The following TTBK2 variants were observed in gnomAD, a reference collection of about 807,000 sequenced individuals.
TTBK2 encodes tau tubulin kinase 2.
Under a neutral mutation model 110.8 loss-of-function variants are expected in TTBK2, and 28 were observed. That is an observed-to-expected ratio of 0.25 (90% CI 0.19 to 0.35). The LOEUF (loss-of-function observed/expected upper bound fraction) is 0.35. Among genes scored for constraint, TTBK2 ranks in the 10% least tolerant of loss-of-function variants. The probability of loss-of-function intolerance (pLI) is 1.00; values close to 1 mark genes in which losing one functional copy is unlikely to be tolerated. For missense variants in TTBK2, 1,369 were observed against 1,500.3 expected (o/e 0.91, Z 1.45); for synonymous variants, 532 against 527.3 (o/e 1.01, Z -0.12).
At chr15:42,832,767 G>C (rs1892815292) in intron 4 of TTBK2, among the ~76,000 whole-genome samples, 2 of 152,130 alleles carry the variant, frequency 1.3e-5, no homozygotes, top group South Asian at 4.2e-4. Flanking sequence ...CTTTAGTCCA[G>C]CGTATCCACA....
At chr15:42,882,970 G>A (rs561284801) in intron 1 of TTBK2, among the ~76,000 whole-genome samples, 1 of 152,310 alleles carries the variant, frequency 6.6e-6, no homozygotes, top group South Asian at 2.1e-4. Context: ...ATCCAGGGAA[G>A]TATAAGAGCC....
chr15:42,881,805 A>G (rs2141140693), intron 1 of TTBK2, among the ~76,000 whole-genome samples: 1 of 152,202 alleles, frequency 6.6e-6, no homozygotes, highest in East Asian at 1.9e-4. Context: ...CAGGAGGTGG[A>G]GGTTGCAATG....
chr15:42,765,672 G>C (rs1187473319), intron 13 of TTBK2, among the ~76,000 whole-genome samples: 5 of 152,154 alleles, frequency 3.3e-5, no homozygotes, highest in East Asian at 1.9e-4. Context: ...GGGGAGAATG[G>C]AACCAAGCTG....
chr15:42,759,719 A>T (rs1447679324), intron 13 of TTBK2, among the ~76,000 whole-genome samples: 2 of 152,214 alleles, frequency 1.3e-5, no homozygotes, highest in African/African-American at 4.8e-5. Flanking sequence ...ACCTAGCATC[A>T]AAGCAAAGGC....
chr15:42,894,133 C>T (rs1895577672), intron 1 of TTBK2, among the ~76,000 whole-genome samples: 2 of 152,134 alleles, frequency 1.3e-5, no homozygotes, highest in Admixed American at 6.5e-5. Flanking sequence ...AAAGGCAGTT[C>T]CCCTGCACAC....
intron 1 of TTBK2, among the ~76,000 whole-genome samples, chr15:42,902,438 T>A (rs1208499182): frequency 6.6e-6 from 1 of 152,006 alleles, no homozygotes; most frequent in African/African-American, 2.4e-5. Context: ...GAGAATCTCT[T>A]GAACCCAGGA....
At chr15:42,833,247 T>TAAAAAAAAAAAAAAAAAAAA (rs35997543) in intron 4 of TTBK2, among the ~76,000 whole-genome samples, 1 of 74,872 alleles carries the variant, frequency 1.3e-5, no homozygotes, top group African/African-American at 5.2e-5. Flanking sequence ...CCAAATTTTG[T>TAAAAAAAAAAAAAAAAAAAA]AAAAAAAAAA....
At chr15:42,805,119 T>C (rs1271792077) in intron 9 of TTBK2, among the ~76,000 whole-genome samples, 1 of 152,202 alleles carries the variant, frequency 6.6e-6, no homozygotes, top group Non-Finnish European at 1.5e-5. Flanking sequence ...CCTACTGTCC[T>C]AGGTGCTGGG....
intron 2 of TTBK2, among the ~76,000 whole-genome samples, chr15:42,878,303 CTG>C (rs1894898114): frequency 6.6e-6 from 1 of 152,006 alleles, no homozygotes; most frequent in Non-Finnish European, 1.5e-5. Context: ...CTTTCAAACA[CTG>C]TATTTTTTTC....
At chr15:42,811,167 A>G (rs565329879) in intron 8 of TTBK2, among the ~76,000 whole-genome samples, 1 of 152,044 alleles carries the variant, frequency 6.6e-6, no homozygotes, top group South Asian at 2.1e-4. Flanking sequence ...ATTTTTAAAA[A>G]ATTTTTGTAA....
At chr15:42,776,837 A>AT in intron 12 of TTBK2, 194 bp downstream of exon 12, 4 of 634,172 alleles carry the variant, frequency 6.3e-6, no homozygotes, top group Non-Finnish European at 1.1e-5. Flanking sequence ...ATTTATAATA[A>AT]TTAAGAATCA....
At chr15:42,830,575 C>A (rs1892717376) in intron 4 of TTBK2, among the ~76,000 whole-genome samples, 1 of 152,026 alleles carries the variant, frequency 6.6e-6, no homozygotes, top group Admixed American at 6.6e-5. Context: ...TTAGAAAAAC[C>A]AGATTTTTAG....
intron 9 of TTBK2, among the ~76,000 whole-genome samples, chr15:42,797,055 A>T (rs2140878064): frequency 6.6e-6 from 1 of 152,358 alleles, no homozygotes; most frequent in East Asian, 1.9e-4. Flanking sequence ...GAGGAAATAA[A>T]GATGGACTGG....
chr15:42,853,958 C>T (rs772478006), intron 3 of TTBK2, among the ~76,000 whole-genome samples: 1 of 151,982 alleles, frequency 6.6e-6, no homozygotes, highest in Non-Finnish European at 1.5e-5. Context: ...TACTTAGACA[C>T]GGGGTCTCAC....
chr15:42,778,464 G>A lies in TTBK2; in HGVS notation c.1198-1222C>T, dbSNP rs370635438. 4.6e-5 allele frequency among the ~76,000 whole-genome samples: 7 copies of A among 152,238 alleles called. No homozygotes were observed. The East Asian group carries it at 1.2e-3, about 25-fold the overall frequency. ...GTGGGTCACAAGGTCAGGAGTTGGA[G>A]ACTAGCCTGGCCAACATAGTAAAAC... is the stretch of plus-strand genomic sequence containing the variant. On this transcript the variant is annotated intron_variant, in intron 11 of 14. Transcript: ENST00000267890.
intron 10 of TTBK2, among the ~76,000 whole-genome samples, chr15:42,783,909 A>T (rs1172388623): frequency 1.3e-5 from 2 of 151,938 alleles, no homozygotes; most frequent in Non-Finnish European, 2.9e-5. Context: ...TAAAAATACA[A>T]AAATTAGCTG....
intron 3 of TTBK2, among the ~76,000 whole-genome samples, chr15:42,850,778 C>T (rs995782836): frequency 2.0e-5 from 3 of 151,856 alleles, no homozygotes; most frequent in Non-Finnish European, 1.5e-5. Context: ...CTTAATTGTA[C>T]TTTGCTTCTT....
At chr15:42,900,285 C>A (rs950334371) in intron 1 of TTBK2, among the ~76,000 whole-genome samples, 1 of 152,046 alleles carries the variant, frequency 6.6e-6, no homozygotes. Flanking sequence ...AGCCACCGCA[C>A]CCAGCCTAGA....
In TTBK2 at chr15:42,752,738, A is replaced by G. The variant is rs1371955294; in HGVS notation, c.2508T>C (p.Asn836=). 4.3e-6 allele frequency: 7 copies of G among 1,613,954 alleles called. No individual in the cohort carries two copies. The African/African-American group carries it at 6.7e-5, about 15-fold the overall frequency. ...TCATTATCTCATTATTTTTGTCTTGATTTGGCACCACACTAAAAGTCTGTG... is the reference window on the plus strand; with the variant it reads ...TCATTATCTCATTATTTTTGTCTTGGTTTGGCACCACACTAAAAGTCTGTG... ...TKTQTFSVVP[N]QDKNNEIMKL... The change falls in exon 14 of 15, where the codon AAT becomes AAC. Residue 836 remains asparagine (N), a synonymous_variant. Coordinates refer to ENST00000267890, the MANE Select transcript of TTBK2 (RefSeq NM_173500.4).
Sources: allele counts gnomAD v4.1 joint callset (sites outside exome capture counted in the v4.1 genomes callset), GRCh38; gene constraint gnomAD v4.1.1; transcripts MANE v1.5; gene names NCBI Gene and HGNC (gene_info 2026-07-23, HGNC 2026-07-21).